BCAS3: variants seen among roughly 807,000 people sequenced by gnomAD.
BCAS3 encodes BCAS3 microtubule associated cell migration factor, also known as BCAS4/BCAS3 fusion.
In BCAS3, 53 loss-of-function variants were observed where a neutral mutation model predicts 116.1. The observed-to-expected ratio is 0.46, with a 90% CI of 0.37 to 0.57. The LOEUF (loss-of-function observed/expected upper bound fraction) is 0.57. Among genes scored for constraint, BCAS3 ranks in the 20% least tolerant of loss-of-function variants. The probability of loss-of-function intolerance (pLI) is 0.00; values close to 1 mark genes in which losing one functional copy is unlikely to be tolerated. For synonymous variants in BCAS3, 391 were observed against 408.2 expected, an observed-to-expected ratio of 0.96 and a Z score of 0.51; for missense variants, 917 against 1,165.4, an observed-to-expected ratio of 0.79 and a Z score of 3.10.
intron 7 of BCAS3, among the ~76,000 whole-genome samples, chr17:60,814,308 C>CGT (rs2049156087): frequency 8.1e-6 from 1 of 124,122 alleles, no homozygotes; most frequent in African/African-American, 4.0e-5. Context: ...TGTGTGTGTG[C>CGT]GCGCGTGCCC....
At chr17:61,030,679 G>T (rs541129138) in intron 16 of BCAS3, among the ~76,000 whole-genome samples, 27 of 151,914 alleles carry the variant, frequency 1.8e-4, no homozygotes, top group African/African-American at 5.3e-4. Flanking sequence ...TGGTTATTCG[G>T]TTTTTTTGTT....
At chr17:60,951,921 G>T (rs1485419397) in intron 14 of BCAS3, among the ~76,000 whole-genome samples, 1 of 151,660 alleles carries the variant, frequency 6.6e-6, no homozygotes, top group Admixed American at 6.6e-5. Flanking sequence ...ATAGGCACCC[G>T]CCACCACACC....
chr17:60,779,415 G>C (rs1195539329), intron 6 of BCAS3, among the ~76,000 whole-genome samples: 4 of 150,848 alleles, frequency 2.7e-5, no homozygotes, highest in Non-Finnish European at 5.9e-5. Flanking sequence ...TATTGCCCAG[G>C]CTGGAGTGCA....
intron 14 of BCAS3, among the ~76,000 whole-genome samples, chr17:60,966,431 T>C (rs751841262): frequency 6.6e-6 from 1 of 152,220 alleles, no homozygotes; most frequent in Non-Finnish European, 1.5e-5. Flanking sequence ...TTTTCTCTGG[T>C]ATTATGCTGT....
At chr17:60,871,308 CAT>C (rs2055076940) in intron 8 of BCAS3, among the ~76,000 whole-genome samples, 1 of 152,136 alleles carries the variant, frequency 6.6e-6, no homozygotes, top group Non-Finnish European at 1.5e-5. Flanking sequence ...GAACTGCAGG[CAT>C]GTGCCACCAC....
At chr17:61,010,180 A>G (rs2065015067) in intron 15 of BCAS3, among the ~76,000 whole-genome samples, 1 of 151,632 alleles carries the variant, frequency 6.6e-6, no homozygotes, top group Non-Finnish European at 1.5e-5. Context: ...GCGTGGCAAC[A>G]AAGCCCATTG....
chr17:61,368,616 C>A lies in BCAS3; in HGVS notation c.2593+122C>A, dbSNP rs2058869657. 8 of 1,147,954 alleles carry A rather than the reference C, an allele frequency of 7.0e-6. No individual in the cohort carries two copies. In the Admixed American group the frequency reaches 2.1e-4, roughly 30 times the overall value. 71.1% of individuals were successfully genotyped at this position (1,147,954 alleles called of 1,614,324 possible). On this transcript the variant is annotated intron_variant, in intron 23 of 23. Coordinates refer to ENST00000407086, the MANE Select transcript of BCAS3 (RefSeq NM_017679.5). This position sits in a 1 kb window ranked among gnomAD's most constrained non-coding sequence, Gnocchi z 6.0. ...TTGCTGTTGGTTTCTTTAGTTAGCACTCCAGTGGCTATCCGTCTGAGGAGC... is the reference window on the plus strand; with the variant it reads ...TTGCTGTTGGTTTCTTTAGTTAGCAATCCAGTGGCTATCCGTCTGAGGAGC...
intron 22 of BCAS3, among the ~76,000 whole-genome samples, chr17:61,201,550 G>T (rs1431072100): frequency 6.6e-6 from 1 of 152,116 alleles, no homozygotes; most frequent in African/African-American, 2.4e-5. Context: ...GAGTCCTTCT[G>T]GCTTAGACTA....
At chr17:61,232,742 C>T (rs1050517423) in intron 22 of BCAS3, among the ~76,000 whole-genome samples, 5 of 152,302 alleles carry the variant, frequency 3.3e-5, no homozygotes, top group Middle Eastern at 3.4e-3. Flanking sequence ...CATTGCTCTT[C>T]GTCGGCCTCT....
chr17:60,865,021 C>T (rs1018531384), intron 7 of BCAS3, among the ~76,000 whole-genome samples: 1 of 151,890 alleles, frequency 6.6e-6, no homozygotes, highest in African/African-American at 2.4e-5. Context: ...ACAATAATAA[C>T]GTCAAAGATC....
chr17:60,846,241 C>A (rs987831360), intron 7 of BCAS3, among the ~76,000 whole-genome samples: 3 of 152,142 alleles, frequency 2.0e-5, no homozygotes, highest in African/African-American at 7.2e-5. Context: ...CATTCTACTT[C>A]TTTATCAGTT....
chr17:60,965,199 T>C (rs1418893974), intron 14 of BCAS3, among the ~76,000 whole-genome samples: 2 of 152,002 alleles, frequency 1.3e-5, no homozygotes, highest in Non-Finnish European at 2.9e-5. Context: ...CTGCTTTTGC[T>C]ATATCCCATA....
rs186311400 is a variant in BCAS3 at position 61,248,926 on chromosome 17, G to A, written c.2426-119401G>A. Among the ~76,000 whole-genome samples, 16 of 152,242 alleles carry A rather than the reference G, an allele frequency of 1.1e-4. No homozygotes were observed. The highest frequency in any genetic ancestry group is 3.6e-4 in the African/African-American group (15 of 41,538). ...TCTTCTTTGCTCTTAAAGATAAGAC[G>A]TTGTTTAGATGAATATATATTCTTT... On this transcript the variant is annotated intron_variant, in intron 22 of 23. Transcript: ENST00000407086. This position sits in a 1 kb window ranked among gnomAD's most constrained non-coding sequence, Gnocchi z 4.3.
At chr17:60,787,429 TATAACAAG>T (rs2046375911) in intron 6 of BCAS3, among the ~76,000 whole-genome samples, 1 of 152,242 alleles carries the variant, frequency 6.6e-6, no homozygotes, top group Non-Finnish European at 1.5e-5. Flanking sequence ...ATTATATGAA[TATAACAAG>T]TTATCAGTTT....
chr17:60,836,241 A>G (rs1210279179), intron 7 of BCAS3, among the ~76,000 whole-genome samples: 1 of 152,154 alleles, frequency 6.6e-6, no homozygotes, highest in Non-Finnish European at 1.5e-5. Context: ...TCTTGGTGTT[A>G]TACATTCTGT....
At position 61,313,564 on chromosome 17, in the gene BCAS3, G is replaced by C. The variant is rs539122295; in HGVS notation, c.2426-54763G>C. ...GCTGAACGGGGATTTGTGTGGGCCA[G>C]ACAATGTAGGGGATTTATTTCCAAG... On this transcript the variant is annotated intron_variant, in intron 22 of 23. Coordinates refer to ENST00000407086, the MANE Select transcript of BCAS3 (RefSeq NM_017679.5). This position sits in a 1 kb window ranked among gnomAD's most constrained non-coding sequence, Gnocchi z 4.3. 3.9e-5 allele frequency among the ~76,000 whole-genome samples: 6 copies of C among 152,298 alleles called. No individual in the cohort carries two copies. The East Asian group carries it at 1.2e-3, about 29-fold the overall frequency.
At chr17:61,025,679 A>G (rs904576094) in intron 16 of BCAS3, among the ~76,000 whole-genome samples, 2 of 152,050 alleles carry the variant, frequency 1.3e-5, no homozygotes, top group African/African-American at 4.8e-5. Flanking sequence ...AGAGAGAGCT[A>G]TCCTTGCTTG....
chr17:61,054,423 G>T (rs535400310), intron 19 of BCAS3, among the ~76,000 whole-genome samples: 1 of 152,118 alleles, frequency 6.6e-6, no homozygotes. Flanking sequence ...CTGGAGTGCC[G>T]TGGCATGATC....
chr17:61,245,008 C>T (rs2047822358), intron 22 of BCAS3, among the ~76,000 whole-genome samples: 1 of 152,126 alleles, frequency 6.6e-6, no homozygotes, highest in South Asian at 2.1e-4. Context: ...GTGTATCAGT[C>T]CATTCTCACG....
Sources: allele counts gnomAD v4.1 joint callset (sites outside exome capture counted in the v4.1 genomes callset), GRCh38; gene constraint gnomAD v4.1.1; non-coding constraint Gnocchi (gnomAD v3.1); transcripts MANE v1.5; gene names NCBI Gene and HGNC (gene_info 2026-07-23, HGNC 2026-07-21).